Variants in PLD2 observed in about 807,000 individuals in gnomAD.
The protein encoded by PLD2 is choline phosphatase 2.
A neutral mutation model predicts 119.8 loss-of-function variants in PLD2; 101 were observed. The ratio of observed to expected loss-of-function variants is 0.84; its 90% CI spans 0.72 to 0.99. The LOEUF is 0.99. Among genes scored for constraint, PLD2 ranks in the 50% least tolerant of loss-of-function variants. The probability of loss-of-function intolerance (pLI) is 0.00; values close to 1 mark genes in which losing one functional copy is unlikely to be tolerated. For synonymous variants in PLD2, 494 were observed against 482.8 expected (o/e 1.02, Z -0.30); for missense variants, 1,164 against 1,226.8 (o/e 0.95, Z 0.76).
chr17:4,810,358 G>T (rs1906333072), intron 9 of PLD2, among the ~76,000 whole-genome samples: 1 of 152,072 alleles, frequency 6.6e-6, no homozygotes, highest in Non-Finnish European at 1.5e-5. Flanking sequence ...GAGTAAGGTG[G>T]ATATGGCCGG....
At chr17:4,812,526 T>A (rs1230294048) in intron 10 of PLD2, among the ~76,000 whole-genome samples, 1 of 151,554 alleles carries the variant, frequency 6.6e-6, no homozygotes, top group Admixed American at 6.6e-5. Flanking sequence ...ATCTCCTGAC[T>A]TCGTGATCTG....
At chr17:4,813,434 T>C (rs1168951201) in intron 10 of PLD2, among the ~76,000 whole-genome samples, 1 of 152,256 alleles carries the variant, frequency 6.6e-6, no homozygotes, top group Non-Finnish European at 1.5e-5. Flanking sequence ...ACACTTATAT[T>C]ATTTCCCATT....
intron 24 of PLD2, 147 bp from the exon 25 acceptor site, chr17:4,822,493 A>AG (rs1907779696): frequency 5.8e-6 from 2 of 342,890 alleles, no homozygotes; most frequent in Non-Finnish European, 5.2e-6. Flanking sequence ...ACTCCGTCTC[A>AG]AAAAAAAAAA....
At chr17:4,822,571 G>T in intron 24 of PLD2, 69 bp from the exon 25 acceptor site, 3 of 1,072,992 alleles carry the variant, frequency 2.8e-6, no homozygotes, top group Non-Finnish European at 4.2e-6. Flanking sequence ...AAGGGGTCTA[G>T]CCTAGTTGGA....
In PLD2 at chr17:4,815,864, A is replaced by T. The variant is rs774802157; in HGVS notation, c.1385A>T (p.Tyr462Phe). Residue 462 changes from tyrosine (Y) to phenylalanine (F), a missense_variant, in exon 14 of 25, where the codon TAT becomes TTT. Transcript: ENST00000263088. Reference sequence around the variant, plus strand: ...TTCCTGGGGGGACTGGACCTTGCCTATGGCCGCTGGGATGACCTGCACTAC... The same window carrying T: ...TTCCTGGGGGGACTGGACCTTGCCTTTGGCCGCTGGGATGACCTGCACTAC... ...VAFLGGLDLA[Y>F]GRWDDLHYRL... is the part of the protein sequence containing the mutation. 6.2e-7 allele frequency: 1 copy of T among 1,614,010 alleles called. No homozygotes were observed. The highest frequency in any genetic ancestry group is 8.5e-7 in the Non-Finnish European group (1 of 1,179,994).
rs1223288547 is a variant in PLD2, at chr17:4,822,649, T to G, written c.2587T>G (p.Cys863Gly). 1.2e-6 allele frequency: 2 copies of G among 1,605,994 alleles called. No individual in the cohort carries two copies. The highest frequency in any genetic ancestry group is 2.2e-5 in the South Asian group (2 of 90,960). ...ATGCCCCCGCCCACAGATCTTCCGC[T>G]GCCTGCCATCCAATGCCACGCGTTC... Reference protein sequence around the residue: ...NANIYEQIFRCLPSNATRSLR... With the variant: ...NANIYEQIFRGLPSNATRSLR... The change falls in exon 25 of 25, where the codon TGC (cysteine) becomes GGC (glycine). Residue 863 changes from cysteine to glycine, a missense_variant. Physicochemically the swap from Cys to Gly is radical, Grantham distance 159. Transcript: ENST00000263088.
At chr17:4,821,678 A>G (rs2150682320) in intron 23 of PLD2, 115 bp from the exon 24 acceptor site, 3 of 661,834 alleles carry the variant, frequency 4.5e-6, no homozygotes, top group Non-Finnish European at 8.2e-6. Context: ...TACAGGCGTG[A>G]GCCACCGCAC....
intron 9 of PLD2, 121 bp from the exon 10 acceptor site, chr17:4,810,681 G>A (rs188307519): frequency 2.3e-5 from 21 of 919,954 alleles, no homozygotes; most frequent in Admixed American, 2.3e-4. Context: ...ATACATACAC[G>A]CCCTATCCCT....
chr17:4,807,568 A>C lies in PLD2; in HGVS notation c.-1-204A>C. Reference sequence around the variant, plus strand: ...GCGGGGGGCGGGGGGCGGGACTGGGATTGTGGATGAAGGACTAAGGTAGGG... The same window carrying C: ...GCGGGGGGCGGGGGGCGGGACTGGGCTTGTGGATGAAGGACTAAGGTAGGG... On this transcript the variant is annotated intron_variant, in intron 1 of 24. Transcript: ENST00000263088. This position sits in a 1 kb window ranked among gnomAD's most constrained non-coding sequence, Gnocchi z 5.4. 1.1e-5 allele frequency: 4 copies of C among 380,604 alleles called. No homozygotes were observed. Among genetic ancestry groups the C allele is most frequent in the Non-Finnish European group, 4.8e-6 (1 of 206,264 alleles). The allele number at this position is 380,604 out of a possible 1,614,324, so 23.6% of individuals were successfully genotyped here.
At chr17:4,812,815 C>A (rs1450097670) in intron 10 of PLD2, among the ~76,000 whole-genome samples, 1 of 152,092 alleles carries the variant, frequency 6.6e-6, no homozygotes, top group East Asian at 1.9e-4. Context: ...GCAGAACAGT[C>A]CAGGCACAGA....
chr17:4,810,560 G>A (rs941327556), intron 9 of PLD2, among the ~76,000 whole-genome samples: 5 of 152,078 alleles, frequency 3.3e-5, no homozygotes, highest in Non-Finnish European at 5.9e-5. Flanking sequence ...CAGGAGAATC[G>A]CTTGAAGCTG....
Position 4,815,543 on chromosome 17 carries a change from G to T in PLD2, c.1241G>T (p.Gly414Val), listed in dbSNP as rs771852135. Residue 414 changes from glycine to valine, a missense_variant, in exon 13 of 25, where the codon GGC (glycine) becomes GTC (valine). By Grantham distance (109) the Gly-to-Val change is moderately radical. Coordinates refer to ENST00000263088, the MANE Select transcript of PLD2 (RefSeq NM_002663.5). ...GAATTGGCCTTGGGCATCAACAGTG[G>T]CTATAGCAAGAGGGCGCTGATGCTG... ...EVELALGINS[G>V]YSKRALMLLH... is the part of the protein sequence containing the mutation. 1 of 1,613,762 alleles carries T rather than the reference G, an allele frequency of 6.2e-7. No individual in the cohort carries two copies. Among genetic ancestry groups the T allele is most frequent in the South Asian group, 1.1e-5 (1 of 91,088 alleles).
rs1286313006 is a variant in PLD2, at chr17:4,808,157, C to T, written c.240+43C>T. Reference sequence around the variant, plus strand: ...AGGGAGGGGGAAAGGGAGGGCGGCCCGGAATGGATCCAAGGTGGCTGGGCT... The same window carrying T: ...AGGGAGGGGGAAAGGGAGGGCGGCCTGGAATGGATCCAAGGTGGCTGGGCT... On this transcript the variant is annotated intron_variant, in intron 3 of 24. Transcript: ENST00000263088. This position sits in a 1 kb window ranked among gnomAD's most constrained non-coding sequence, Gnocchi z 4.1. The T allele has an allele frequency of 6.9e-6, 11 of 1,594,776 alleles. No homozygotes were observed. Among genetic ancestry groups the T allele is most frequent in the Non-Finnish European group, 9.4e-6 (11 of 1,166,370 alleles).
At chr17:4,817,436 G>A in intron 17 of PLD2, 177 bp downstream of exon 17, 1 of 609,998 alleles carries the variant, frequency 1.6e-6, no homozygotes, top group Non-Finnish European at 3.0e-6. Context: ...GCCAAGGCAG[G>A]CGGATCACAA....
intron 10 of PLD2, among the ~76,000 whole-genome samples, chr17:4,811,874 G>A (rs1906509819): frequency 6.6e-6 from 1 of 151,858 alleles, no homozygotes; most frequent in African/African-American, 2.4e-5. Flanking sequence ...TAGTGCAGTA[G>A]TGTGATCATG....
rs774802157 is a variant in PLD2 at position 4,815,864 on chromosome 17, A to G, written c.1385A>G (p.Tyr462Cys). Residue 462 changes from tyrosine to cysteine, a missense_variant, in exon 14 of 25, where the codon TAT becomes TGT. Coordinates refer to ENST00000263088, the MANE Select transcript of PLD2 (RefSeq NM_002663.5). ...TTCCTGGGGGGACTGGACCTTGCCT[A>G]TGGCCGCTGGGATGACCTGCACTAC... ...VAFLGGLDLA[Y>C]GRWDDLHYRL... is the part of the protein sequence containing the mutation. 5 of 1,614,008 alleles carry G rather than the reference A, an allele frequency of 3.1e-6. No homozygotes were observed. Among genetic ancestry groups the G allele is most frequent in the Admixed American group, 1.7e-5 (1 of 59,992 alleles).
chr17:4,810,781 C>G (rs762681331), intron 9 of PLD2, 21 bp from the exon 10 acceptor site: 2 of 1,599,450 alleles, frequency 1.3e-6, no homozygotes, highest in Non-Finnish European at 1.7e-6. Context: ...GATTTATGGA[C>G]ATCTCATCGT....
Position 4,822,782 on chromosome 17 carries a change from C to T in PLD2, c.2720C>T (p.Pro907Leu), listed in dbSNP as rs754639275. 2.5e-6 allele frequency: 4 copies of T among 1,613,434 alleles called. No individual in the cohort carries two copies. The African/African-American group carries it at 5.3e-5, about 22-fold the overall frequency. ...TQVQGHLVHFPLKFLEDESLL... is the reference protein window; with the variant it reads ...TQVQGHLVHFLLKFLEDESLL... ...GTCCAGGGCCACCTGGTCCACTTCC[C>T]CCTCAAGTTCCTAGAGGATGAGTCT... Residue 907 changes from proline to leucine, a missense_variant, in exon 25 of 25, where the codon CCC (proline) becomes CTC (leucine). By Grantham distance (98) the Pro-to-Leu change is moderately conservative. Transcript: ENST00000263088.
At chr17:4,816,061 T>C in intron 14 of PLD2, 127 bp downstream of exon 14, 1 of 737,688 alleles carries the variant, frequency 1.4e-6, no homozygotes, top group South Asian at 1.7e-5. Context: ...CCTCAGACTT[T>C]CTGGGACTCC....
Sources: gnomAD v4.1 joint callset for allele counts (sites outside exome capture counted in the v4.1 genomes callset) on GRCh38, gnomAD v4.1.1 for gene constraint, Gnocchi (gnomAD v3.1) non-coding constraint, MANE v1.5 for transcripts, NCBI Gene and HGNC (gene_info 2026-07-23, HGNC 2026-07-21) for gene names.